The following GALNTL6 variants were observed in gnomAD, a reference collection of about 807,000 sequenced individuals.
GALNTL6 encodes polypeptide N-acetylgalactosaminyltransferase like 6.
In GALNTL6, 46 loss-of-function variants were observed where a neutral mutation model predicts 73.7. The ratio of observed to expected loss-of-function variants is 0.62; its 90% CI spans 0.49 to 0.80. GALNTL6 has a LOEUF of 0.80. Among genes scored for constraint, GALNTL6 ranks in the 30% least tolerant of loss-of-function variants. The probability of loss-of-function intolerance (pLI) is 0.00; values close to 1 mark genes in which losing one functional copy is unlikely to be tolerated. For synonymous variants in GALNTL6, 259 were observed against 263.7 expected, an observed-to-expected ratio of 0.98 and a Z score of 0.17; for missense variants, 604 against 755.0, an observed-to-expected ratio of 0.80 and a Z score of 2.34.
intron 7 of GALNTL6, among the ~76,000 whole-genome samples, chr4:172,831,720 C>T (rs1742650265): frequency 6.6e-6 from 1 of 152,176 alleles, no homozygotes; most frequent in Non-Finnish European, 1.5e-5. Flanking sequence ...AAAGCCCCAA[C>T]ATGATGGGAT....
chr4:172,959,212 G>A (rs1749915959), intron 10 of GALNTL6, among the ~76,000 whole-genome samples: 1 of 152,036 alleles, frequency 6.6e-6, no homozygotes, highest in East Asian at 1.9e-4. Flanking sequence ...TATACTTGTG[G>A]TTTAAGGTGG....
At chr4:172,313,685 T>C (rs957289100) in intron 4 of GALNTL6, among the ~76,000 whole-genome samples, 4 of 152,194 alleles carry the variant, frequency 2.6e-5, no homozygotes, top group Admixed American at 2.6e-4. Flanking sequence ...TTATTATAAA[T>C]GTTACGGAAG....
chr4:171,880,205 CT>C (rs1736399491), intron 2 of GALNTL6, among the ~76,000 whole-genome samples: 2 of 152,192 alleles, frequency 1.3e-5, no homozygotes, highest in Non-Finnish European at 2.9e-5. Context: ...TGAACCTCCT[CT>C]TGTTCAGCCT....
intron 2 of GALNTL6, among the ~76,000 whole-genome samples, chr4:172,077,750 G>T (rs1731743999): frequency 6.6e-6 from 1 of 152,118 alleles, no homozygotes; most frequent in South Asian, 2.1e-4. Flanking sequence ...GTAGAAATTT[G>T]CATAAGTAAA....
intron 5 of GALNTL6, among the ~76,000 whole-genome samples, chr4:172,487,326 C>CTTTCTT: frequency 8.2e-6 from 1 of 122,632 alleles, no homozygotes; most frequent in Non-Finnish European, 1.8e-5. Flanking sequence ...TTCTTTCTTT[C>CTTTCTT]TTTCTTTCTT....
chr4:172,665,537 A>C (rs1031367938), intron 5 of GALNTL6, among the ~76,000 whole-genome samples: 8 of 152,254 alleles, frequency 5.3e-5, no homozygotes, highest in African/African-American at 1.9e-4. Context: ...CCACACCTGC[A>C]GTCCCATTCC....
rs1553976635 is a variant in GALNTL6, at chr4:171,967,449, T to TTTTTTTTTTTTG, written c.138+152742_138+152743insGTTTTTTTTTTT. ...TTGTAGTTTTCTTCCCCCTATGGGT[T>TTTTTTTTTTTTG]TTTTTTTTTTTTTTTTGTAGATGTA... is the stretch of plus-strand genomic sequence containing the variant. On this transcript the variant is annotated intron_variant, in intron 2 of 12. Transcript: ENST00000506823. Among the ~76,000 whole-genome samples the TTTTTTTTTTTTG allele has an allele frequency of 1.2e-3, 147 of 120,384 alleles. 2 individuals carry two copies. Among genetic ancestry groups the TTTTTTTTTTTTG allele is most frequent in the East Asian group, 3.3e-3 (14 of 4,224 alleles). The allele number at this position is 120,384 out of a possible 152,430, so 79.0% of individuals were successfully genotyped here. A position where few individuals can be genotyped will look rare whatever the true frequency, so the allele number is the denominator to read the frequency against.
At chr4:171,845,032 A>G (rs1735335055) in intron 2 of GALNTL6, among the ~76,000 whole-genome samples, 1 of 152,158 alleles carries the variant, frequency 6.6e-6, no homozygotes, top group African/African-American at 2.4e-5. Flanking sequence ...GACCTTCAAT[A>G]TCCAAATGTT....
intron 2 of GALNTL6, among the ~76,000 whole-genome samples, chr4:172,073,468 T>C (rs72986542): frequency 8.5e-5 from 13 of 152,304 alleles, no homozygotes; most frequent in African/African-American, 2.9e-4. Flanking sequence ...TTCAGGTTTT[T>C]TGGAATATGG....
At chr4:172,415,647 G>A (rs1329892539) in intron 5 of GALNTL6, among the ~76,000 whole-genome samples, 1 of 152,106 alleles carries the variant, frequency 6.6e-6, no homozygotes, top group African/African-American at 2.4e-5. Context: ...GGAAGGAAAG[G>A]GCTTTATTCA....
At chr4:172,871,206 T>C (rs1020478536) in intron 7 of GALNTL6, among the ~76,000 whole-genome samples, 2 of 152,164 alleles carry the variant, frequency 1.3e-5, no homozygotes, top group Non-Finnish European at 2.9e-5. Context: ...ACTCCCAGCT[T>C]TTGTCCCTTC....
chr4:172,416,640 T>C (rs1730847235), intron 5 of GALNTL6, among the ~76,000 whole-genome samples: 2 of 152,190 alleles, frequency 1.3e-5, no homozygotes, highest in African/African-American at 4.8e-5. Flanking sequence ...AAGAGGATTT[T>C]AATTCATATT....
intron 5 of GALNTL6, among the ~76,000 whole-genome samples, chr4:172,679,642 C>A (rs373136832): frequency 6.6e-6 from 1 of 152,122 alleles, no homozygotes; most frequent in Non-Finnish European, 1.5e-5. Context: ...AATCACTCCA[C>A]CTCTATTACT....
At chr4:172,428,753 A>C (rs1731318834) in intron 5 of GALNTL6, among the ~76,000 whole-genome samples, 1 of 152,214 alleles carries the variant, frequency 6.6e-6, no homozygotes, top group Non-Finnish European at 1.5e-5. Context: ...AAGAATCAAA[A>C]TTCTGCACAA....
intron 2 of GALNTL6, among the ~76,000 whole-genome samples, chr4:172,063,700 T>C (rs1731276546): frequency 6.6e-6 from 1 of 152,182 alleles, no homozygotes; most frequent in Admixed American, 6.5e-5. Flanking sequence ...CTTTAGTGTC[T>C]CTCCTGGGTG....
intron 2 of GALNTL6, among the ~76,000 whole-genome samples, chr4:172,095,712 A>G (rs905574373): frequency 1.3e-5 from 2 of 152,130 alleles, no homozygotes; most frequent in Non-Finnish European, 2.9e-5. Flanking sequence ...CGAATTTTAA[A>G]GGGCTTATTG....
intron 2 of GALNTL6, among the ~76,000 whole-genome samples, chr4:172,048,948 A>C (rs545559989): frequency 4.7e-4 from 71 of 152,220 alleles, no homozygotes; most frequent in African/African-American, 1.6e-3. Context: ...TAAAGCCTAG[A>C]ATGATAGTTT....
At chr4:172,310,760 G>A (rs1740325333) in intron 3 of GALNTL6, among the ~76,000 whole-genome samples, 1 of 151,756 alleles carries the variant, frequency 6.6e-6, no homozygotes, top group South Asian at 2.1e-4. Context: ...GACTAGGGAA[G>A]GCCTTCTTTG....
chr4:172,538,417 G>A (rs756407505), intron 5 of GALNTL6, among the ~76,000 whole-genome samples: 12 of 152,116 alleles, frequency 7.9e-5, no homozygotes, highest in South Asian at 2.1e-4. Context: ...CCAAGATTGC[G>A]CCACTGCACT....
Sources: gnomAD v4.1 joint callset for allele counts (sites outside exome capture counted in the v4.1 genomes callset) on GRCh38, gnomAD v4.1.1 for gene constraint, MANE v1.5 for transcripts, NCBI Gene and HGNC (gene_info 2026-07-23, HGNC 2026-07-21) for gene names.